Variants in PCDHAC1 observed in about 807,000 individuals in gnomAD.
The protein encoded by PCDHAC1 is protocadherin alpha-C1.
PCDHAC1 carries 42 observed loss-of-function variants against 60.0 expected under a neutral mutation model. That is an observed-to-expected ratio of 0.70 (90% CI 0.55 to 0.90). PCDHAC1 has a LOEUF of 0.90. PCDHAC1 is among the 40% of genes least tolerant of loss of function. The probability of loss-of-function intolerance (pLI) is 0.00; values close to 1 mark genes in which losing one functional copy is unlikely to be tolerated. For synonymous variants in PCDHAC1, 468 were observed against 499.3 expected (o/e 0.94, Z 0.84); for missense variants, 1,160 against 1,222.3 (o/e 0.95, Z 0.76).
chr5:140,958,077 A>G (rs2095408004), intron 1 of PCDHAC1, among the ~76,000 whole-genome samples: 2 of 152,124 alleles, frequency 1.3e-5, no homozygotes, highest in South Asian at 4.1e-4. Flanking sequence ...AGAAGCAAAA[A>G]GTAAAGTTGT....
At chr5:140,930,527 A>C (rs73793525) in intron 1 of PCDHAC1, 8,511 of 152,566 alleles carry the variant, frequency 0.056, 704 homozygotes, top group African/African-American at 0.18. Context: ...CTGGCCCTCA[A>C]ACTTCTTGAG....
chr5:140,932,687 T>A (rs1285364025), intron 1 of PCDHAC1, among the ~76,000 whole-genome samples: 2 of 151,810 alleles, frequency 1.3e-5, no homozygotes, highest in Non-Finnish European at 2.9e-5. Context: ...TATATTCAAA[T>A]TAAAAAACTC....
rs1478545930 is a variant in PCDHAC1 at position 140,927,235 on chromosome 5, C to T, written c.343C>T (p.Leu115=). Residue 115 remains leucine (L), a synonymous_variant, in exon 1 of 4, where the codon CTG becomes TTG. Coordinates refer to ENST00000253807, the MANE Select transcript of PCDHAC1 (RefSeq NM_018898.5). ...LELHKIRIHV[L]DTNDNSPLFP... Reference sequence around the variant, plus strand: ...GCTGCACAAGATTCGGATTCACGTCCTGGACACCAATGACAACTCACCTCT... The same window carrying T: ...GCTGCACAAGATTCGGATTCACGTCTTGGACACCAATGACAACTCACCTCT... 4.3e-6 allele frequency: 7 copies of T among 1,614,034 alleles called. No individual in the cohort carries two copies. The highest frequency in any genetic ancestry group is 5.9e-6 in the Non-Finnish European group (7 of 1,180,044).
chr5:140,946,457 C>T (rs1480427132), intron 1 of PCDHAC1, among the ~76,000 whole-genome samples: 2 of 151,612 alleles, frequency 1.3e-5, no homozygotes, highest in Non-Finnish European at 3.0e-5. Flanking sequence ...AACTATCCAG[C>T]AATCCCACTA....
At position 140,926,470 on chromosome 5, in the gene PCDHAC1, G is replaced by C. The variant is rs1244984672; in HGVS notation, c.-423G>C. On this transcript the variant is annotated 5_prime_UTR_variant, in exon 1 of 4. Coordinates refer to ENST00000253807, the MANE Select transcript of PCDHAC1 (RefSeq NM_018898.5). ...TCAGGGCGTTGTCCTAGAAAACACC[G>C]TTTAAGGAGAGAAGTGTTAGTGTCT... 1 of 162,858 alleles carries C rather than the reference G, an allele frequency of 6.1e-6. No homozygotes were observed. The allele number at this position is 162,858 out of a possible 1,614,324, so 10.1% of individuals were successfully genotyped here. A position where few individuals can be genotyped will look rare whatever the true frequency, so the allele number is the denominator to read the frequency against.
rs1554205700 is a variant in PCDHAC1, at chr5:140,928,288, C to CA, written c.1396_1397insA (p.Arg466GlnfsTer18). The stretch of plus-strand genomic sequence containing the variant: ...CAATGGCCCTGGGGCCTCTCTAGGC[C>CA]GAGTGTTTGCCCAGGACCCCGACCT... On this transcript the variant is annotated frameshift_variant, in exon 1 of 4. Coordinates refer to ENST00000253807, the MANE Select transcript of PCDHAC1 (RefSeq NM_018898.5). LOFTEE classifies it high-confidence loss of function. 6.2e-7 allele frequency: 1 copy of CA among 1,614,156 alleles called. No homozygotes were observed. The highest frequency in any genetic ancestry group is 2.2e-5 in the East Asian group (1 of 44,878).
chr5:140,974,782 C>T (rs1211935245), intron 1 of PCDHAC1, among the ~76,000 whole-genome samples: 11 of 152,150 alleles, frequency 7.2e-5, no homozygotes, highest in African/African-American at 2.7e-4. Context: ...GCCACTGCGC[C>T]CAGCCCTCAT....
chr5:140,929,540 G>A, intron 1 of PCDHAC1: 1 of 549,498 alleles, frequency 1.8e-6, no homozygotes, highest in Admixed American at 4.2e-5. Context: ...GAGAAACAAG[G>A]GCAAAAATTA....
rs782046977 is a variant in PCDHAC1 at position 140,968,811 on chromosome 5, A to T, written c.2434-10138A>T. The T allele has an allele frequency of 5.0e-6, 8 of 1,614,086 alleles. No homozygotes were observed. The African/African-American group carries it at 6.7e-5, about 13-fold the overall frequency. The stretch of plus-strand genomic sequence containing the variant: ...GTGGCCATTACAGTAGCTGTGGTGG[A>T]TAGGGTTTCCAAAATCCTCCCTGAC... On this transcript the variant is annotated intron_variant, in intron 1 of 3. Coordinates refer to ENST00000253807, the MANE Select transcript of PCDHAC1 (RefSeq NM_018898.5).
intron 3 of PCDHAC1, among the ~76,000 whole-genome samples, chr5:141,008,680 T>C (rs2098386787): frequency 6.6e-6 from 1 of 152,220 alleles, no homozygotes; most frequent in Non-Finnish European, 1.5e-5. Flanking sequence ...ATACTTTAGT[T>C]ATTGCATGTA....
chr5:140,978,989 T>G lies in PCDHAC1; in HGVS notation c.2474T>G (p.Leu825Arg). 1 of 1,614,212 alleles carries G rather than the reference T, an allele frequency of 6.2e-7. No individual in the cohort carries two copies. Among genetic ancestry groups the G allele is most frequent in the Non-Finnish European group, 8.5e-7 (1 of 1,180,034 alleles). Residue 825 changes from leucine to arginine, a missense_variant, in exon 2 of 4, where the codon CTG (leucine) becomes CGG (arginine). Transcript: ENST00000253807. Reference protein sequence around the residue: ...PNPDWRYSASLRAGMHSSVHL... With the variant: ...PNPDWRYSASRRAGMHSSVHL... ...CCTGACTGGCGTTACTCTGCCTCCC[T>G]GAGAGCAGGCATGCACAGGTATGTA...
intron 1 of PCDHAC1, among the ~76,000 whole-genome samples, chr5:140,959,741 C>T (rs1415934970): frequency 6.6e-6 from 1 of 152,068 alleles, no homozygotes; most frequent in Admixed American, 6.6e-5. Flanking sequence ...CATCAAAATG[C>T]CTTAAAGTAT....
Position 140,928,590 on chromosome 5 carries a change from A to G in PCDHAC1, c.1698A>G (p.Pro566=), listed in dbSNP as rs78699363. The G allele has an allele frequency of 6.8e-4, 1,101 of 1,614,224 alleles. 1 individual carries two copies. Among genetic ancestry groups the G allele is most frequent in the Non-Finnish European group, 8.8e-4 (1,041 of 1,180,028 alleles). Residue 566 remains proline (P), a synonymous_variant, in exon 1 of 4, where the codon CCA becomes CCG. Coordinates refer to ENST00000253807, the MANE Select transcript of PCDHAC1 (RefSeq NM_018898.5). ...CCTTGCCCAGAAATGGTTCTGTCCC[A>G]GTGGAAATTGTGCCCCGCTCTGCCA... The part of the protein sequence containing the change: ...LFPLPRNGSV[P]VEIVPRSART...
In PCDHAC1 at chr5:140,969,339, A is replaced by G. The variant is rs1563390643; in HGVS notation, c.2434-9610A>G. On this transcript the variant is annotated intron_variant, in intron 1 of 3. Transcript: ENST00000253807. ...GCTGTTTCTCAAAATGAGGTGAGAC[A>G]GTGGTCAGGGGGTCTTCTACAAACT... 5 of 1,613,830 alleles carry G rather than the reference A, an allele frequency of 3.1e-6. No homozygotes were observed. The South Asian group carries it at 4.4e-5, about 14-fold the overall frequency.
intron 3 of PCDHAC1, among the ~76,000 whole-genome samples, chr5:141,002,815 T>G (rs1554258803): frequency 6.6e-6 from 1 of 152,176 alleles, no homozygotes; most frequent in African/African-American, 2.4e-5. Flanking sequence ...GGCTCAGAGA[T>G]ATTTATGTAA....
chr5:140,954,383 T>C (rs1333017700), intron 1 of PCDHAC1, among the ~76,000 whole-genome samples: 6 of 152,208 alleles, frequency 3.9e-5, no homozygotes, highest in African/African-American at 1.4e-4. Context: ...ATGAGTGAAC[T>C]AATTTACAAC....
rs2083445492 is a variant in PCDHAC1, at chr5:140,926,654, C to G, written c.-239C>G. The G allele has an allele frequency of 1.9e-6, 1 of 514,022 alleles. No homozygotes were observed. Among genetic ancestry groups the G allele is most frequent in the Non-Finnish European group, 3.1e-6 (1 of 319,198 alleles). 31.8% of individuals were successfully genotyped at this position (514,022 alleles called of 1,614,324 possible). ...GCTCCTCAACACCCGGCCGGCTCCG[C>G]TTTCCCAGACGGCTGCCCAGCCTCC... On this transcript the variant is annotated 5_prime_UTR_variant, in exon 1 of 4. Transcript: ENST00000253807.
Position 141,001,288 on chromosome 5 carries a change from C to T in PCDHAC1, c.2582-8339C>T, listed in dbSNP as rs147786395. 2.9e-3 allele frequency among the ~76,000 whole-genome samples: 438 copies of T among 152,218 alleles called. 7 individuals are homozygous for T. The East Asian group carries it at 0.044, about 15-fold the overall frequency. ...TATGAACTTTTTTTACGGATGAAAACTGAGGCCCAGAGATATGAAATAATT... is the reference window on the plus strand; with the variant it reads ...TATGAACTTTTTTTACGGATGAAAATTGAGGCCCAGAGATATGAAATAATT... On this transcript the variant is annotated intron_variant, in intron 3 of 3. Transcript: ENST00000253807.
At position 140,928,108 on chromosome 5, in the gene PCDHAC1, G is replaced by C; in HGVS notation, c.1216G>C (p.Glu406Gln). 6.2e-7 allele frequency: 1 copy of C among 1,614,190 alleles called. No individual in the cohort carries two copies. The highest frequency in any genetic ancestry group is 8.5e-7 in the Non-Finnish European group (1 of 1,180,040). The change falls in exon 1 of 4, where the codon GAG becomes CAG. Residue 406 changes from glutamate (E) to glutamine (Q), a missense_variant. By Grantham distance (29) the Glu-to-Gln change is conservative (BLOSUM62 2). Around this residue, in one of 3 missense-constraint regions of PCDHAC1, gnomAD observed 1,113 missense variants for 1,163.7 expected, o/e 0.96. Coordinates refer to ENST00000253807, the MANE Select transcript of PCDHAC1 (RefSeq NM_018898.5). ...GCTGATTGATGGGCCCCTGGACCGG[G>C]AGCAGATCAGTGAATACCAAGTCCT... The part of the protein sequence containing the change: ...SLLIDGPLDR[E>Q]QISEYQVLIT...
Sources: allele counts gnomAD v4.1 joint callset (sites outside exome capture counted in the v4.1 genomes callset), GRCh38; gene constraint gnomAD v4.1.1; regional missense constraint gnomAD v4.1.1; transcripts MANE v1.5; gene names NCBI Gene and HGNC (gene_info 2026-07-23, HGNC 2026-07-21).